Variants in GSG1L observed in about 807,000 individuals in gnomAD.
GSG1L encodes GSG1 like.
In GSG1L, 24 loss-of-function variants were observed where a neutral mutation model predicts 42.1. That is an observed-to-expected ratio of 0.57 (90% CI 0.41 to 0.80). The LOEUF (loss-of-function observed/expected upper bound fraction) is 0.80, where lower values mean the gene tolerates loss of function less well. Among genes scored for constraint, GSG1L ranks in the 30% least tolerant of loss-of-function variants. The pLI is 0.00. For missense variants in GSG1L, 445 were observed against 472.2 expected (o/e 0.94, Z 0.53); for synonymous variants, 215 against 203.5 (o/e 1.06, Z -0.48).
intron 3 of GSG1L, among the ~76,000 whole-genome samples, chr16:27,867,315 G>T (rs893408969): frequency 6.6e-6 from 1 of 152,194 alleles, no homozygotes; most frequent in Non-Finnish European, 1.5e-5. Context: ...GTGACCTCAG[G>T]CATGTTAGTT....
rs1047044907 is a variant in GSG1L, at chr16:27,850,041, T to TTTTTC, written c.551-4981_551-4980insGAAAA. On this transcript the variant is annotated intron_variant, in intron 3 of 6. Transcript: ENST00000447459. ...GAAATGCCTTTTTTTTTTTTTTTTT[T>TTTTTC]TTTTGAGATGGGAATCTCACTCTGT... Among the ~76,000 whole-genome samples, 13 of 140,532 alleles carry TTTTTC rather than the reference T, an allele frequency of 9.3e-5. 1 individual carries two copies. Among genetic ancestry groups the TTTTTC allele is most frequent in the Non-Finnish European group, 1.5e-5 (1 of 65,388 alleles). The allele number at this position is 140,532 out of a possible 152,430, so 92.2% of individuals were successfully genotyped here.
At chr16:27,813,044 T>C (rs1325874982) in intron 5 of GSG1L, among the ~76,000 whole-genome samples, 1 of 152,156 alleles carries the variant, frequency 6.6e-6, no homozygotes, top group East Asian at 1.9e-4. Context: ...CCTCCCAAAG[T>C]GCTGGGATTA....
intron 3 of GSG1L, among the ~76,000 whole-genome samples, chr16:27,859,931 C>A (rs564171970): frequency 6.6e-6 from 1 of 152,254 alleles, no homozygotes; most frequent in East Asian, 1.9e-4. Flanking sequence ...GCTCTCCCGC[C>A]TCTGCCTCCC....
At chr16:27,818,997 C>G (rs2083124171) in intron 5 of GSG1L, among the ~76,000 whole-genome samples, 1 of 152,140 alleles carries the variant, frequency 6.6e-6, no homozygotes, top group African/African-American at 2.4e-5. Context: ...CGCCTGTAAT[C>G]CCAGCACTTT....
At chr16:27,889,592 A>G (rs560760957) in intron 2 of GSG1L, among the ~76,000 whole-genome samples, 41 of 152,290 alleles carry the variant, frequency 2.7e-4, no homozygotes, top group African/African-American at 9.6e-4. Context: ...ATGGGAACTT[A>G]TATTTCTCTC....
intron 1 of GSG1L, among the ~76,000 whole-genome samples, chr16:28,017,085 G>C (rs912962142): frequency 7.9e-5 from 12 of 152,248 alleles, no homozygotes. Flanking sequence ...TCTGATGTCT[G>C]AGAATATCAA....
intron 2 of GSG1L, among the ~76,000 whole-genome samples, chr16:27,912,487 A>G (rs1567516053): frequency 6.6e-6 from 1 of 152,218 alleles, no homozygotes; most frequent in Non-Finnish European, 1.5e-5. Flanking sequence ...ACTGCACTCC[A>G]GCCTGAGCAA....
intron 1 of GSG1L, among the ~76,000 whole-genome samples, chr16:28,007,395 C>G (rs2085653453): frequency 6.6e-6 from 1 of 152,178 alleles, no homozygotes; most frequent in Non-Finnish European, 1.5e-5. Context: ...CCCTGAAGCC[C>G]CCAGGAGTGC....
At chr16:27,987,827 G>A (rs1033468576) in intron 1 of GSG1L, among the ~76,000 whole-genome samples, 1 of 151,330 alleles carries the variant, frequency 6.6e-6, no homozygotes, top group Non-Finnish European at 1.5e-5. Flanking sequence ...CATGCCTGTA[G>A]TCCCAGCTAC....
In GSG1L at chr16:27,884,714, C is replaced by T. The variant is rs1344079183; in HGVS notation, c.398-76G>A. 41 of 1,402,312 alleles carry T rather than the reference C, an allele frequency of 2.9e-5. No homozygotes were observed. The highest frequency in any genetic ancestry group is 7.6e-5 in the East Asian group (3 of 39,686). 86.9% of individuals were successfully genotyped at this position (1,402,312 alleles called of 1,614,324 possible). A position where few individuals can be genotyped will look rare whatever the true frequency, so the allele number is the denominator to read the frequency against. ...ACTCACCCTGTGCCTATTCCTCCCA[C>T]AACAGCAGAGGGTAGCAAGTCATTC... On this transcript the variant is annotated intron_variant, in intron 2 of 6. Transcript: ENST00000447459. The surrounding 1 kb of genome is among the most constrained non-coding windows in gnomAD (Gnocchi z 4.4).
intron 6 of GSG1L, 24 bp downstream of exon 6, chr16:27,807,463 G>C (rs766923159): frequency 2.5e-6 from 4 of 1,602,116 alleles, no homozygotes; most frequent in Non-Finnish European, 3.4e-6. Flanking sequence ...TGTCGTAGCA[G>C]ATACCCACAA....
intron 2 of GSG1L, among the ~76,000 whole-genome samples, chr16:27,898,377 G>A (rs2084216287): frequency 8.6e-6 from 1 of 116,938 alleles, no homozygotes. Flanking sequence ...GGTCTTCTTG[G>A]GCAAGTCCTC....
At position 28,039,659 on chromosome 16, in the gene GSG1L, G is replaced by A. The variant is rs527982461; in HGVS notation, c.349+23417C>T. ...CGTGCACACACATGCACACTCACAC[G>A]CACATGCACACACGTATGCACACAT... is the stretch of plus-strand genomic sequence containing the variant. On this transcript the variant is annotated intron_variant, in intron 1 of 6. Coordinates refer to ENST00000447459, the MANE Select transcript of GSG1L (RefSeq NM_001109763.2). Among the ~76,000 whole-genome samples, 10 of 148,010 alleles carry A rather than the reference G, an allele frequency of 6.8e-5. No individual in the cohort carries two copies. In the East Asian group the frequency reaches 8.0e-4, roughly 12 times the overall value.
chr16:27,788,659 CAAAG>C lies in GSG1L; in HGVS notation c.*2707_*2710del, dbSNP rs1450213642. 2 of 152,240 alleles carry C rather than the reference CAAAG, an allele frequency of 1.3e-5. No individual in the cohort carries two copies. Among genetic ancestry groups the C allele is most frequent in the African/African-American group, 4.8e-5 (2 of 41,458 alleles). The allele number at this position is 152,240 out of a possible 1,614,324, so 9.4% of individuals were successfully genotyped here. The stretch of plus-strand genomic sequence containing the variant: ...TGTCTTGGCTTAGACATCATTTTCT[CAAAG>C]GAGCCTCCCTAGACTACAGCTCCCA... On this transcript the variant is annotated 3_prime_UTR_variant, in exon 7 of 7. Transcript: ENST00000447459.
chr16:28,060,090 C>A (rs1331326208), intron 1 of GSG1L, among the ~76,000 whole-genome samples: 1 of 150,768 alleles, frequency 6.6e-6, no homozygotes, highest in Non-Finnish European at 1.5e-5. Context: ...CATTTGGATG[C>A]ACGTGAAACA....
Position 27,791,309 on chromosome 16 carries a change from C to T in GSG1L, c.*61G>A. 8.8e-7 allele frequency: 1 copy of T among 1,141,094 alleles called. No homozygotes were observed. Among genetic ancestry groups the T allele is most frequent in the Non-Finnish European group, 1.2e-6 (1 of 848,882 alleles). 70.7% of individuals were successfully genotyped at this position (1,141,094 alleles called of 1,614,324 possible). On this transcript the variant is annotated 3_prime_UTR_variant, in exon 7 of 7. Coordinates refer to ENST00000447459, the MANE Select transcript of GSG1L (RefSeq NM_001109763.2). Reference sequence around the variant, plus strand: ...GTTCTGGGGGCACCACTCTGGTGGTCTTGCAGCAGGGGCTGGTGCCAGCGA... The same window carrying T: ...GTTCTGGGGGCACCACTCTGGTGGTTTTGCAGCAGGGGCTGGTGCCAGCGA...
chr16:27,797,071 A>G (rs2082825903), intron 6 of GSG1L, among the ~76,000 whole-genome samples: 1 of 152,190 alleles, frequency 6.6e-6, no homozygotes, highest in Admixed American at 6.5e-5. Context: ...GTTAGGTGCC[A>G]TTATTATCCC....
chr16:27,888,467 TCTC>T lies in GSG1L; in HGVS notation c.398-3832_398-3830del, dbSNP rs1567505765. On this transcript the variant is annotated intron_variant, in intron 2 of 6. Coordinates refer to ENST00000447459, the MANE Select transcript of GSG1L (RefSeq NM_001109763.2). ...TTCTTTCTTTCTTTCTTTCTTTCTC[TCTC>T]TCTCTCTCTTTCCTTTCTTTCTTTC... 2.1e-4 allele frequency among the ~76,000 whole-genome samples: 15 copies of T among 70,516 alleles called. 1 individual carries two copies. The highest frequency in any genetic ancestry group is 7.4e-3 in the Middle Eastern group (1 of 136). 46.3% of individuals were successfully genotyped at this position (70,516 alleles called of 152,430 possible). A position where few individuals can be genotyped will look rare whatever the true frequency, so the allele number is the denominator to read the frequency against.
chr16:28,023,090 A>C (rs1232720506), intron 1 of GSG1L, among the ~76,000 whole-genome samples: 1 of 152,162 alleles, frequency 6.6e-6, no homozygotes, highest in East Asian at 1.9e-4. Context: ...CAGCCTCCCA[A>C]AATGCGGGGA....
Sources: allele counts gnomAD v4.1 joint callset (sites outside exome capture counted in the v4.1 genomes callset), GRCh38; gene constraint gnomAD v4.1.1; non-coding constraint Gnocchi (gnomAD v3.1); transcripts MANE v1.5; gene names NCBI Gene and HGNC (gene_info 2026-07-23, HGNC 2026-07-21).